The following XKR3 variants were observed in gnomAD, a reference collection of about 807,000 sequenced individuals.
The protein encoded by XKR3 is XK related 3, also known as XK-related protein 3.
In XKR3, 27 loss-of-function variants were observed where a neutral mutation model predicts 40.3. The observed-to-expected ratio is 0.67, with a 90% CI of 0.49 to 0.92. The LOEUF (loss-of-function observed/expected upper bound fraction) is 0.92. Among genes scored for constraint, XKR3 ranks in the 40% least tolerant of loss-of-function variants. The pLI, the probability that XKR3 is intolerant of heterozygous loss-of-function variation, is 0.00. For synonymous variants in XKR3, 193 were observed against 195.4 expected, an observed-to-expected ratio of 0.99 and a Z score of 0.10; for missense variants, 472 against 537.6, an observed-to-expected ratio of 0.88 and a Z score of 1.21.
intron 1 of XKR3, among the ~76,000 whole-genome samples, chr22:16,813,018 C>G (rs2060218827): frequency 6.6e-6 from 1 of 152,156 alleles, no homozygotes; most frequent in Admixed American, 6.5e-5. Flanking sequence ...GGCGCGGTGG[C>G]TCACGCCTGT....
At position 16,819,872 on chromosome 22, in the gene XKR3, T is replaced by C. The variant is rs556048850; in HGVS notation, c.-11+5419A>G. Reference sequence around the variant, plus strand: ...ATATGAAATGTGTACCCAATTACTATACCTAGGTAAAAATTAATTAGCTAA... The same window carrying C: ...ATATGAAATGTGTACCCAATTACTACACCTAGGTAAAAATTAATTAGCTAA... On this transcript the variant is annotated intron_variant, in intron 1 of 3. Transcript: ENST00000684488. Among the ~76,000 whole-genome samples, 41 of 152,236 alleles carry C rather than the reference T, an allele frequency of 2.7e-4. 1 individual carries two copies. In the South Asian group the frequency reaches 7.2e-3, roughly 27 times the overall value.
intron 1 of XKR3, among the ~76,000 whole-genome samples, chr22:16,813,007 G>A (rs916425897): frequency 1.6e-4 from 24 of 152,140 alleles, no homozygotes; most frequent in African/African-American, 5.6e-4. Context: ...ATAATGGGCC[G>A]GGCGCGGTGG....
intron 1 of XKR3, among the ~76,000 whole-genome samples, chr22:16,815,867 T>C (rs2060231201): frequency 6.6e-6 from 1 of 151,980 alleles, no homozygotes; most frequent in South Asian, 2.1e-4. Flanking sequence ...TTTAAATTTG[T>C]GACTGTTATA....
chr22:16,791,866 A>C (rs1436224833), intron 3 of XKR3, among the ~76,000 whole-genome samples: 1 of 151,448 alleles, frequency 6.6e-6, no homozygotes, highest in Non-Finnish European at 1.5e-5. Flanking sequence ...AAAAACAGCC[A>C]CACCATAAAA....
chr22:16,798,395 T>C (rs1393988135), intron 3 of XKR3, among the ~76,000 whole-genome samples: 1 of 152,176 alleles, frequency 6.6e-6, no homozygotes, highest in Non-Finnish European at 1.5e-5. Context: ...AGATCAGCCA[T>C]TGTGGAAAGC....
At chr22:16,802,773 C>T (rs1345566562) in intron 2 of XKR3, among the ~76,000 whole-genome samples, 1 of 152,164 alleles carries the variant, frequency 6.6e-6, no homozygotes, top group African/African-American at 2.4e-5. Context: ...CAGTCATGAG[C>T]CACTGCACCC....
intron 3 of XKR3, among the ~76,000 whole-genome samples, chr22:16,786,299 G>T (rs1226741491): frequency 7.2e-6 from 1 of 138,422 alleles, no homozygotes; most frequent in African/African-American, 2.6e-5. Context: ...GCCAGGCATG[G>T]TGGCACATGC....
chr22:16,809,443 G>A (rs2060203887), intron 1 of XKR3, among the ~76,000 whole-genome samples: 1 of 152,000 alleles, frequency 6.6e-6, no homozygotes, highest in Non-Finnish European at 1.5e-5. Flanking sequence ...CTCTCATGGT[G>A]CTGAACTTTT....
intron 1 of XKR3, among the ~76,000 whole-genome samples, chr22:16,820,868 A>C (rs1341789826): frequency 1.3e-5 from 2 of 152,190 alleles, no homozygotes; most frequent in Non-Finnish European, 2.9e-5. Flanking sequence ...CAGATGCTAG[A>C]AATAGGATGA....
chr22:16,821,896 A>G (rs1218051162), intron 1 of XKR3, among the ~76,000 whole-genome samples: 2 of 152,096 alleles, frequency 1.3e-5, no homozygotes, highest in Admixed American at 6.6e-5. Context: ...GTTACAGTTT[A>G]GTTTTATAAC....
chr22:16,799,286 C>A (rs2060156098), intron 3 of XKR3, among the ~76,000 whole-genome samples: 1 of 151,208 alleles, frequency 6.6e-6, no homozygotes, highest in Admixed American at 6.6e-5. Flanking sequence ...TGGTGGCGGG[C>A]ACCTGTAGTC....
intron 3 of XKR3, among the ~76,000 whole-genome samples, chr22:16,796,411 A>G (rs2060141079): frequency 6.6e-6 from 1 of 152,174 alleles, no homozygotes; most frequent in African/African-American, 2.4e-5. Context: ...GACACAAGAA[A>G]ACTTCTGGCC....
chr22:16,809,886 G>A (rs1190492380), intron 1 of XKR3, among the ~76,000 whole-genome samples: 1 of 152,010 alleles, frequency 6.6e-6, no homozygotes, highest in Non-Finnish European at 1.5e-5. Flanking sequence ...CACCTTCCGG[G>A]TGATTGTGAC....
intron 1 of XKR3, among the ~76,000 whole-genome samples, chr22:16,809,782 C>T (rs927058410): frequency 2.0e-5 from 3 of 152,220 alleles, no homozygotes; most frequent in East Asian, 1.9e-4. Flanking sequence ...TATTGAGACA[C>T]GGTCTGGTTC....
rs1294963477 is a variant in XKR3, at chr22:16,789,924, T to C, written c.590-5515A>G. Among the ~76,000 whole-genome samples the C allele has an allele frequency of 8.5e-5, 13 of 152,238 alleles. No individual in the cohort carries two copies. In the East Asian group the frequency reaches 2.5e-3, roughly 29 times the overall value. ...GTGCTGGGAAAACAAGAGAGCTACA[T>C]GCAGAAAAACAAAATCAGAACCCTA... On this transcript the variant is annotated intron_variant, in intron 3 of 3. Coordinates refer to ENST00000684488, the MANE Select transcript of XKR3 (RefSeq NM_001386955.1).
intron 1 of XKR3, among the ~76,000 whole-genome samples, chr22:16,818,477 T>C (rs1342400590): frequency 2.0e-5 from 3 of 152,098 alleles, no homozygotes; most frequent in African/African-American, 7.2e-5. Flanking sequence ...AAAAAGAGCT[T>C]CAAGAAAATC....
chr22:16,816,586 A>T (rs2060234764), intron 1 of XKR3, among the ~76,000 whole-genome samples: 1 of 151,920 alleles, frequency 6.6e-6, no homozygotes, highest in Non-Finnish European at 1.5e-5. Flanking sequence ...TAAAAAATAA[A>T]AATAATAGGT....
At chr22:16,809,783 G>A (rs938506901) in intron 1 of XKR3, among the ~76,000 whole-genome samples, 2 of 152,000 alleles carry the variant, frequency 1.3e-5, no homozygotes, top group East Asian at 1.9e-4. Flanking sequence ...ATTGAGACAC[G>A]GTCTGGTTCT....
chr22:16,791,778 GGAGA>G lies in XKR3; in HGVS notation c.590-7373_590-7370del, dbSNP rs763159994. Among the ~76,000 whole-genome samples the G allele has an allele frequency of 4.1e-3, 510 of 123,172 alleles. 2 individuals carry two copies. The highest frequency in any genetic ancestry group is 0.016 in the East Asian group (64 of 4,070). 80.8% of individuals were successfully genotyped at this position (123,172 alleles called of 152,430 possible). A position where few individuals can be genotyped will look rare whatever the true frequency, so the allele number is the denominator to read the frequency against. On this transcript the variant is annotated intron_variant, in intron 3 of 3. Coordinates refer to ENST00000684488, the MANE Select transcript of XKR3 (RefSeq NM_001386955.1). The stretch of plus-strand genomic sequence containing the variant: ...GAGAGAGGGAGAGAGGGAGAGAGAG[GGAGA>G]GAGAGAGAGAGAGAGAGAGAGAGAG...
Sources: gnomAD v4.1 joint callset for allele counts (sites outside exome capture counted in the v4.1 genomes callset) on GRCh38, gnomAD v4.1.1 for gene constraint, MANE v1.5 for transcripts, NCBI Gene and HGNC (gene_info 2026-07-23, HGNC 2026-07-21) for gene names.